The following SDK2 variants were observed in gnomAD, a reference collection of about 807,000 sequenced individuals.
SDK2 encodes the protein protein sidekick-2.
In SDK2, 105 loss-of-function variants were observed where a neutral mutation model predicts 253.9. That is an observed-to-expected ratio of 0.41 (90% CI 0.35 to 0.49). SDK2 has a LOEUF of 0.49. Ranked by LOEUF, SDK2 falls within the 20% of genes least tolerant of loss-of-function variation. The pLI, the probability that SDK2 is intolerant of heterozygous loss-of-function variation, is 0.06. For synonymous variants in SDK2, 1,249 were observed against 1,234.9 expected, an observed-to-expected ratio of 1.01 and a Z score of -0.24; for missense variants, 2,608 against 3,003.0, an observed-to-expected ratio of 0.87 and a Z score of 3.07.
In SDK2 at chr17:73,386,533, C is replaced by T. The variant is rs371894396; in HGVS notation, c.4410G>A (p.Thr1470=). The change falls in exon 31 of 45, where the codon ACG becomes ACA. Residue 1470 remains threonine (T), a synonymous_variant. Transcript: ENST00000392650. ...SFIVDRLKPF[T]SYKFRVKATN... ...TCGCCTTCACTCGGAACTTGTAGGA[C>T]GTGAAGGGCTTCAGCCTGTAGGGAG... The T allele has an allele frequency of 4.6e-5, 71 of 1,556,412 alleles. No individual in the cohort carries two copies. The highest frequency in any genetic ancestry group is 2.9e-4 in the Admixed American group (15 of 51,668).
intron 2 of SDK2, among the ~76,000 whole-genome samples, chr17:73,474,649 T>C (rs2063673310): frequency 6.6e-6 from 1 of 152,178 alleles, no homozygotes; most frequent in African/African-American, 2.4e-5. Flanking sequence ...AAATCTCTCT[T>C]CCTCCGTTCA....
Position 73,642,219 on chromosome 17 carries a change from G to T in SDK2, c.64+1806C>A, listed in dbSNP as rs1304194952. On this transcript the variant is annotated intron_variant, in intron 1 of 44. Coordinates refer to ENST00000392650, the MANE Select transcript of SDK2 (RefSeq NM_001144952.2). The surrounding 1 kb of genome is among the most constrained non-coding windows in gnomAD (Gnocchi z 4.7). Reference sequence around the variant, plus strand: ...CGTGGGGCAGGAAGGGACACATGAAGACCCCAAAGCAAGGGCCATCAGGTG... The same window carrying T: ...CGTGGGGCAGGAAGGGACACATGAATACCCCAAAGCAAGGGCCATCAGGTG... 6.6e-6 allele frequency among the ~76,000 whole-genome samples: 1 copy of T among 152,132 alleles called. No individual in the cohort carries two copies. Among genetic ancestry groups the T allele is most frequent in the Non-Finnish European group, 1.5e-5 (1 of 68,026 alleles).
chr17:73,430,075 G>A (rs1050360490), intron 12 of SDK2, among the ~76,000 whole-genome samples: 9 of 152,102 alleles, frequency 5.9e-5, no homozygotes, highest in Non-Finnish European at 8.8e-5. Flanking sequence ...TCCCATATCC[G>A]CCTGCCCAGA....
At chr17:73,381,538 G>C (rs1408230856) in intron 33 of SDK2, among the ~76,000 whole-genome samples, 2 of 152,146 alleles carry the variant, frequency 1.3e-5, no homozygotes, top group Non-Finnish European at 2.9e-5. Context: ...TAACTCACTA[G>C]AAGACAAGGC....
intron 1 of SDK2, among the ~76,000 whole-genome samples, chr17:73,555,650 T>A (rs1432500656): frequency 1.3e-5 from 2 of 152,012 alleles, no homozygotes; most frequent in African/African-American, 2.4e-5. Context: ...GGAGCTCAAC[T>A]GGGAAGATGA....
chr17:73,570,191 G>A lies in SDK2; in HGVS notation c.65-62594C>T, dbSNP rs2045364403. 6.6e-6 allele frequency among the ~76,000 whole-genome samples: 1 copy of A among 152,060 alleles called. No individual in the cohort carries two copies. Among genetic ancestry groups the A allele is most frequent in the African/African-American group, 2.4e-5 (1 of 41,396 alleles). On this transcript the variant is annotated intron_variant, in intron 1 of 44. Coordinates refer to ENST00000392650, the MANE Select transcript of SDK2 (RefSeq NM_001144952.2). The surrounding 1 kb of genome is among the most constrained non-coding windows in gnomAD (Gnocchi z 4.2). ...ACAGGGCGACCACCCCAGGGGCCCA[G>A]CCTTGCTACCTCCCCTCCCTGTTTA...
intron 6 of SDK2, 91 bp downstream of exon 6, chr17:73,440,721 T>C: frequency 1.1e-6 from 1 of 882,130 alleles, no homozygotes; most frequent in East Asian, 2.6e-5. Context: ...CCTCAGGTGA[T>C]GTGGCTTCTG....
chr17:73,418,253 G>T (rs931633041), intron 16 of SDK2, among the ~76,000 whole-genome samples: 1 of 152,258 alleles, frequency 6.6e-6, no homozygotes, highest in Middle Eastern at 3.4e-3. Context: ...TGATCCACCC[G>T]CCTTGGCCTC....
rs2046089881 is a variant in SDK2, at chr17:73,618,653, G to A, written c.64+25372C>T. On this transcript the variant is annotated intron_variant, in intron 1 of 44. Coordinates refer to ENST00000392650, the MANE Select transcript of SDK2 (RefSeq NM_001144952.2). This position sits in a 1 kb window ranked among gnomAD's most constrained non-coding sequence, Gnocchi z 4.1. Reference sequence around the variant, plus strand: ...CCAAGAACGGCATGGGGGAGTCAGGGAAGCAGAGGCCAAGCAAGACTCTTC... The same window carrying A: ...CCAAGAACGGCATGGGGGAGTCAGGAAAGCAGAGGCCAAGCAAGACTCTTC... Among the ~76,000 whole-genome samples the A allele has an allele frequency of 6.6e-6, 1 of 152,156 alleles. No homozygotes were observed.
chr17:73,456,029 T>C lies in SDK2; in HGVS notation c.356A>G (p.Glu119Gly). The change falls in exon 4 of 45, where the codon GAG becomes GGG. Residue 119 changes from glutamate (E) to glycine (G), a missense_variant. Glu to Gly is a moderately conservative substitution (Grantham distance 98). Around this residue, in one of 2 missense-constraint regions of SDK2, gnomAD observed 1,505 missense variants for 1,859.1 expected, o/e 0.81. Transcript: ENST00000392650. ...VAYMGSFEEG[E>G]KHQSVSHGEA... Reference sequence around the variant, plus strand: ...TCCGTGGGAGACGCTCTGGTGCTTCTCACCTTCCTCAAAGCTCCCCATGTC... The same window carrying C: ...TCCGTGGGAGACGCTCTGGTGCTTCCCACCTTCCTCAAAGCTCCCCATGTC... 1 of 1,526,056 alleles carries C rather than the reference T, an allele frequency of 6.6e-7. No individual in the cohort carries two copies. Among genetic ancestry groups the C allele is most frequent in the Non-Finnish European group, 8.8e-7 (1 of 1,132,356 alleles). 94.5% of individuals were successfully genotyped at this position (1,526,056 alleles called of 1,614,324 possible).
rs1312540461 is a variant in SDK2, at chr17:73,435,605, G to T, written c.1040C>A (p.Ala347Asp). Residue 347 changes from alanine (A) to aspartate (D), a missense_variant, in exon 9 of 45, where the codon GCC (alanine) becomes GAC (aspartate). This residue lies in a region of SDK2 where 1,505 missense variants were observed against 1,859.1 expected (regional missense o/e 0.81). Transcript: ENST00000392650. This position sits in a 1 kb window ranked among gnomAD's most constrained non-coding sequence, Gnocchi z 5.7. ...PPSITWYKDA[A>D]VVEVEKLTRF... ...GGTCAACTTCTCCACCTCCACCACG[G>T]CTGCGTCCTTGTACCAGGTGATGGA... 1 of 1,576,174 alleles carries T rather than the reference G, an allele frequency of 6.3e-7. No homozygotes were observed. The highest frequency in any genetic ancestry group is 8.6e-7 in the Non-Finnish European group (1 of 1,160,750).
rs998394851 is a variant in SDK2, at chr17:73,435,817, C to G, written c.1001-173G>C. Among the ~76,000 whole-genome samples the G allele has an allele frequency of 1.3e-5, 2 of 152,210 alleles. No individual in the cohort carries two copies. The highest frequency in any genetic ancestry group is 1.5e-5 in the Non-Finnish European group (1 of 68,044). On this transcript the variant is annotated intron_variant, in intron 8 of 44. Coordinates refer to ENST00000392650, the MANE Select transcript of SDK2 (RefSeq NM_001144952.2). This position sits in a 1 kb window ranked among gnomAD's most constrained non-coding sequence, Gnocchi z 5.7. ...TGGGTCTAGGGAGAGGAGGAAGATG[C>G]TCTTTGAGTGGTAATTCTCAAAGTC...
At chr17:73,371,291 T>C (rs565438149) in intron 36 of SDK2, among the ~76,000 whole-genome samples, 3 of 151,904 alleles carry the variant, frequency 2.0e-5, no homozygotes, top group South Asian at 4.1e-4. Context: ...GGAGAATGAA[T>C]GGATTCTCTT....
In SDK2 at chr17:73,643,961, G is replaced by GCC; in HGVS notation, c.64+62_64+63dup. The GCC allele has an allele frequency of 1.6e-5, 8 of 514,822 alleles. No homozygotes were observed. The highest frequency in any genetic ancestry group is 9.8e-5 in the East Asian group (2 of 20,460). 31.9% of individuals were successfully genotyped at this position (514,822 alleles called of 1,614,324 possible). ...GTCACCGTGAGGCCGGCCAGCTCCC[G>GCC]CCGCCCCTCCCCCGCCCACTCTCCC... On this transcript the variant is annotated intron_variant, in intron 1 of 44. Coordinates refer to ENST00000392650, the MANE Select transcript of SDK2 (RefSeq NM_001144952.2). The surrounding 1 kb of genome is among the most constrained non-coding windows in gnomAD (Gnocchi z 6.9).
Position 73,398,340 on chromosome 17 carries a change from G to T in SDK2, c.3183C>A (p.Leu1061=), listed in dbSNP as rs532578042. 1.2e-6 allele frequency: 2 copies of T among 1,613,948 alleles called. No homozygotes were observed. The highest frequency in any genetic ancestry group is 4.5e-5 in the East Asian group (2 of 44,870). Residue 1061 remains leucine, a synonymous_variant, in exon 23 of 45, where the codon CTC becomes CTA. Coordinates refer to ENST00000392650, the MANE Select transcript of SDK2 (RefSeq NM_001144952.2). ...PDARSMEVPD[L]NPFTCYSFRM... is the part of the protein sequence containing the mutation. ...ATTACCTGTAGCAGGTGAAGGGGTT[G>T]AGGTCGGGCACCTCCATGGAGCGGG... is the stretch of plus-strand genomic sequence containing the variant.
chr17:73,391,638 G>A, intron 27 of SDK2, 100 bp from the exon 28 acceptor site: 1 of 478,548 alleles, frequency 2.1e-6, no homozygotes, highest in Non-Finnish European at 3.5e-6. Flanking sequence ...GGAGGGGGAA[G>A]GGGCCGCCCA....
intron 2 of SDK2, among the ~76,000 whole-genome samples, chr17:73,500,628 T>C (rs2063882997): frequency 7.3e-6 from 1 of 137,038 alleles, no homozygotes; most frequent in Non-Finnish European, 1.6e-5. Flanking sequence ...CCTCTCTCCA[T>C]CTTCCCTCTA....
chr17:73,400,799 A>T (rs938416329), intron 21 of SDK2, among the ~76,000 whole-genome samples: 1 of 152,026 alleles, frequency 6.6e-6, no homozygotes, highest in Non-Finnish European at 1.5e-5. Flanking sequence ...GATCACAAGC[A>T]TGCACCACCA....
At position 73,483,620 on chromosome 17, in the gene SDK2, T is replaced by C. The variant is rs537092116; in HGVS notation, c.225-11402A>G. Among the ~76,000 whole-genome samples, 5 of 133,612 alleles carry C rather than the reference T, an allele frequency of 3.7e-5. No homozygotes were observed. In the East Asian group the frequency reaches 1.0e-3, roughly 27 times the overall value. The allele number at this position is 133,612 out of a possible 152,430, so 87.7% of individuals were successfully genotyped here. On this transcript the variant is annotated intron_variant, in intron 2 of 44. Transcript: ENST00000392650. ...ATATGTATGTGTATATATATGTATA[T>C]ATATGTATATGTATATATATATGTG...
Sources: allele counts gnomAD v4.1 joint callset (sites outside exome capture counted in the v4.1 genomes callset), GRCh38; gene constraint gnomAD v4.1.1; regional missense constraint gnomAD v4.1.1; non-coding constraint Gnocchi (gnomAD v3.1); transcripts MANE v1.5; gene names NCBI Gene and HGNC (gene_info 2026-07-23, HGNC 2026-07-21).